The following ERI3 variants were observed in gnomAD, a reference collection of about 807,000 sequenced individuals.
ERI3 encodes the protein ERI1 exoribonuclease 3.
In ERI3, 18 loss-of-function variants were observed where a neutral mutation model predicts 44.4. The observed-to-expected ratio is 0.41, with a 90% CI of 0.28 to 0.60. ERI3 has a LOEUF of 0.60. ERI3 is among the 20% of genes least tolerant of loss of function. ERI3 has a pLI of 0.36. For missense variants in ERI3, 294 were observed against 435.5 expected, an observed-to-expected ratio of 0.68 and a Z score of 2.89; for synonymous variants, 183 against 164.8, an observed-to-expected ratio of 1.11 and a Z score of -0.84.
intron 3 of ERI3, among the ~76,000 whole-genome samples, chr1:44,327,736 C>G (rs568862032): frequency 6.6e-6 from 1 of 152,338 alleles, no homozygotes; most frequent in Non-Finnish European, 1.5e-5. Flanking sequence ...CATTCTGGGA[C>G]TTGGGCACAT....
At chr1:44,350,208 T>A (rs748187925) in intron 2 of ERI3, among the ~76,000 whole-genome samples, 2 of 152,168 alleles carry the variant, frequency 1.3e-5, no homozygotes, top group Non-Finnish European at 2.9e-5. Flanking sequence ...CAAGACTCCT[T>A]CCAGGGCTCC....
At chr1:44,251,590 G>A (rs1644680681) in intron 7 of ERI3, among the ~76,000 whole-genome samples, 1 of 152,210 alleles carries the variant, frequency 6.6e-6, no homozygotes, top group Non-Finnish European at 1.5e-5. Flanking sequence ...ATTGGAGGAG[G>A]CTAGGAAAGC....
Position 44,310,963 on chromosome 1 carries a change from GCACACACACACACACACACACACACA to G in ERI3, c.666+2180_666+2205del, listed in dbSNP as rs58344074. On this transcript the variant is annotated intron_variant, in intron 5 of 8. Transcript: ENST00000372257. Reference sequence around the variant, plus strand: ...ATGTATGTGCACATCGCGCGCGCGCGCACACACACACACACACACACACACACACACACACACACACACACACACAC... The same window carrying G: ...ATGTATGTGCACATCGCGCGCGCGCGCACACACACACACACACACACACAC... Among the ~76,000 whole-genome samples the G allele has an allele frequency of 2.1e-4, 26 of 123,262 alleles. 1 individual carries two copies. Among genetic ancestry groups the G allele is most frequent in the Admixed American group, 1.3e-3 (16 of 12,628 alleles). 80.9% of individuals were successfully genotyped at this position (123,262 alleles called of 152,430 possible).
intron 7 of ERI3, among the ~76,000 whole-genome samples, chr1:44,253,863 T>G (rs1644730906): frequency 6.6e-6 from 1 of 152,178 alleles, no homozygotes; most frequent in South Asian, 2.1e-4. Context: ...CTCCAGCCAC[T>G]GCCTGACTAT....
chr1:44,331,115 CCCATGCCCTCCAGTCGCTTCTGATCCCA>C (rs1646418898), intron 3 of ERI3, among the ~76,000 whole-genome samples: 1 of 152,266 alleles, frequency 6.6e-6, no homozygotes, highest in East Asian at 1.9e-4. Context: ...AGCCTCCACC[CCCATGCCCTCCAGTCGCTTCTGATCCCA>C]CCAATCTCCA....
chr1:44,241,574 C>T lies in ERI3; in HGVS notation c.931+6365G>A, dbSNP rs1229408851. ...ATGGATGCAATTTGCATAATATCAGCAGTGGAGGCTGCAAGATCACCAGGG... is the reference window on the plus strand; with the variant it reads ...ATGGATGCAATTTGCATAATATCAGTAGTGGAGGCTGCAAGATCACCAGGG... On this transcript the variant is annotated intron_variant, in intron 8 of 8. Coordinates refer to ENST00000372257, the MANE Select transcript of ERI3 (RefSeq NM_024066.3). This position sits in a 1 kb window ranked among gnomAD's most constrained non-coding sequence, Gnocchi z 5.6. Among the ~76,000 whole-genome samples the T allele has an allele frequency of 2.6e-5, 4 of 152,140 alleles. No homozygotes were observed. Among genetic ancestry groups the T allele is most frequent in the Admixed American group, 2.6e-4 (4 of 15,276 alleles).
chr1:44,333,719 C>A (rs1279948553), intron 3 of ERI3, among the ~76,000 whole-genome samples: 2 of 152,180 alleles, frequency 1.3e-5, no homozygotes, highest in African/African-American at 2.4e-5. Context: ...TCCAAAATGT[C>A]TCTTTCACAA....
intron 5 of ERI3, among the ~76,000 whole-genome samples, chr1:44,309,599 A>C (rs556562300): frequency 2.4e-4 from 37 of 151,402 alleles, no homozygotes; most frequent in Non-Finnish European, 3.8e-4. Context: ...CATGCAAGAG[A>C]TGTCACCCAG....
intron 6 of ERI3, among the ~76,000 whole-genome samples, chr1:44,289,660 C>T (rs1645463575): frequency 6.6e-6 from 1 of 152,264 alleles, no homozygotes; most frequent in African/African-American, 2.4e-5. Context: ...TTCAGCCCTA[C>T]CACCTGCAAC....
intron 4 of ERI3, among the ~76,000 whole-genome samples, chr1:44,315,885 G>A (rs906662898): frequency 6.6e-6 from 1 of 152,182 alleles, no homozygotes; most frequent in Non-Finnish European, 1.5e-5. Flanking sequence ...GGGCATGGTG[G>A]CTCAGCCTGC....
rs1646380475 is a variant in ERI3, at chr1:44,329,263, G to A, written c.490-9519C>T. On this transcript the variant is annotated intron_variant, in intron 3 of 8. Coordinates refer to ENST00000372257, the MANE Select transcript of ERI3 (RefSeq NM_024066.3). The stretch of plus-strand genomic sequence containing the variant: ...CTCTCCAACCCTGGCCACAAATTTG[G>A]AGCAGGATCACAGAATTCCTGCATA... 3.3e-5 allele frequency among the ~76,000 whole-genome samples: 5 copies of A among 152,112 alleles called. No individual in the cohort carries two copies. The South Asian group carries it at 1.0e-3, about 32-fold the overall frequency.
intron 7 of ERI3, among the ~76,000 whole-genome samples, chr1:44,250,256 T>C (rs1644648247): frequency 6.6e-6 from 1 of 152,262 alleles, no homozygotes; most frequent in African/African-American, 2.4e-5. Flanking sequence ...GCGGCAGGGC[T>C]GCCGAGGCCC....
chr1:44,226,752 C>G (rs1283205113), intron 8 of ERI3, among the ~76,000 whole-genome samples: 1 of 146,936 alleles, frequency 6.8e-6, no homozygotes, highest in Non-Finnish European at 1.5e-5. Context: ...AGGCTAATGT[C>G]TTGCTTCTCT....
At chr1:44,296,924 T>C (rs1645623473) in intron 6 of ERI3, among the ~76,000 whole-genome samples, 1 of 152,176 alleles carries the variant, frequency 6.6e-6, no homozygotes, top group South Asian at 2.1e-4. Flanking sequence ...AGCCCCCACA[T>C]GCACCGCTCC....
chr1:44,351,842 T>A (rs999576750), intron 2 of ERI3, among the ~76,000 whole-genome samples: 7 of 152,134 alleles, frequency 4.6e-5, no homozygotes, highest in African/African-American at 1.7e-4. Flanking sequence ...TTTTTTTTTT[T>A]AATTTCCCGT....
chr1:44,317,660 T>C (rs1646119140), intron 4 of ERI3, among the ~76,000 whole-genome samples: 2 of 152,044 alleles, frequency 1.3e-5, no homozygotes, highest in South Asian at 2.1e-4. Flanking sequence ...AATTATAGTA[T>C]AAAGTATCTG....
chr1:44,239,291 T>C (rs1006750328), intron 8 of ERI3, among the ~76,000 whole-genome samples: 31 of 152,168 alleles, frequency 2.0e-4, no homozygotes, highest in African/African-American at 7.5e-4. Flanking sequence ...GGGGGTCTGC[T>C]TTGGGGTGTG....
chr1:44,322,760 C>T (rs1316469529), intron 3 of ERI3: 1 of 1,550,048 alleles, frequency 6.5e-7, no homozygotes, highest in Non-Finnish European at 8.7e-7. Context: ...TCCATACTTC[C>T]CAGAACCTCA....
intron 8 of ERI3, among the ~76,000 whole-genome samples, chr1:44,233,026 T>C (rs575835620): frequency 6.6e-6 from 1 of 152,316 alleles, no homozygotes; most frequent in East Asian, 1.9e-4. Context: ...CTTGTCACCC[T>C]TGCCTGGAAA....
Sources: gnomAD v4.1 joint callset for allele counts (sites outside exome capture counted in the v4.1 genomes callset) on GRCh38, gnomAD v4.1.1 for gene constraint, Gnocchi (gnomAD v3.1) non-coding constraint, MANE v1.5 for transcripts, NCBI Gene and HGNC (gene_info 2026-07-23, HGNC 2026-07-21) for gene names.